POLR3C: variants seen among roughly 807,000 people sequenced by gnomAD.
POLR3C encodes the protein RNA polymerase III subunit C.
Under a neutral mutation model 65.9 loss-of-function variants are expected in POLR3C, and 44 were observed. The observed-to-expected ratio is 0.67, with a 90% confidence interval of 0.52 to 0.86. The LOEUF is 0.86. POLR3C is among the 40% of genes least tolerant of loss of function. The pLI is 0.00. For missense variants in POLR3C, 576 were observed against 653.2 expected (o/e 0.88, Z 1.29); for synonymous variants, 263 against 231.6 (o/e 1.14, Z -1.23).
At chr1:145,840,071 G>A (rs1283199359) in intron 12 of POLR3C, 45 bp from the exon 13 acceptor site, 1 of 1,556,444 alleles carries the variant, frequency 6.4e-7, no homozygotes, top group Admixed American at 1.7e-5. Flanking sequence ...CTGAGCTGCT[G>A]AAATAGAACT....
intron 7 of POLR3C, among the ~76,000 whole-genome samples, chr1:145,834,624 A>G (rs587673050): frequency 7.5e-4 from 114 of 152,012 alleles, no homozygotes; most frequent in African/African-American, 2.7e-3. Flanking sequence ...GCAGTGAGCC[A>G]AGATCATACC....
At chr1:145,828,927 C>T (rs1651058821) in intron 5 of POLR3C, 90 bp downstream of exon 5, 1 of 731,996 alleles carries the variant, frequency 1.4e-6, no homozygotes, top group Admixed American at 2.1e-5. Flanking sequence ...TTAAAGCTTC[C>T]TGAGCTAAGA....
At chr1:145,839,646 T>G (rs910197538) in intron 11 of POLR3C, 3 of 399,164 alleles carry the variant, frequency 7.5e-6, no homozygotes, top group African/African-American at 2.1e-5. Context: ...GGTGGGAGGA[T>G]TGCTTGAGCC....
At chr1:145,836,773 TG>T in intron 8 of POLR3C, 41 bp from the exon 9 acceptor site, 1 of 1,326,914 alleles carries the variant, frequency 7.5e-7, no homozygotes, top group Non-Finnish European at 1.1e-6. Flanking sequence ...ACAGAATCAC[TG>T]GACTTTCCGT....
chr1:145,840,512 C>A, intron 13 of POLR3C: 1 of 268,522 alleles, frequency 3.7e-6, no homozygotes, highest in South Asian at 5.7e-5. Context: ...TGCACTCCAG[C>A]CTGGGCGACA....
chr1:145,825,726 C>CA (rs1553725582), intron 1 of POLR3C, 31 bp from the exon 2 acceptor site: 1 of 1,494,318 alleles, frequency 6.7e-7, no homozygotes, highest in African/African-American at 1.4e-5. Context: ...GAAAGACTTT[C>CA]TATTGTACCA....
intron 5 of POLR3C, among the ~76,000 whole-genome samples, chr1:145,829,280 A>G (rs1553726573): frequency 6.6e-6 from 1 of 152,094 alleles, no homozygotes; most frequent in African/African-American, 2.4e-5. Flanking sequence ...TCCCTCATAA[A>G]CTTCCTCATC....
rs782574436 is a variant in POLR3C, at chr1:145,841,103, A to C, written c.1523+32A>C. 57 of 1,596,710 alleles carry C rather than the reference A, an allele frequency of 3.6e-5. No individual in the cohort carries two copies. The South Asian group carries it at 6.3e-4, about 18-fold the overall frequency. On this transcript the variant is annotated intron_variant, in intron 14 of 14. Coordinates refer to ENST00000334163, the MANE Select transcript of POLR3C (RefSeq NM_006468.8). ...ATCATAAACTTCAGACCTGCATTTCAGAATACCATCCAGAAAATCCATTTT... is the reference window on the plus strand; with the variant it reads ...ATCATAAACTTCAGACCTGCATTTCCGAATACCATCCAGAAAATCCATTTT...
At position 145,833,520 on chromosome 1, in the gene POLR3C, C is replaced by A. The variant is rs1023100502; in HGVS notation, c.814C>A (p.Arg272=). ...TSSEIVRTML[R]MSEITTSSSA... Reference sequence around the variant, plus strand: ...CAGCGAGATTGTGCGAACCATGCTCCGAATGAGTGAGATTACCACTTCCTC... The same window carrying A: ...CAGCGAGATTGTGCGAACCATGCTCAGAATGAGTGAGATTACCACTTCCTC... Residue 272 remains arginine, a synonymous_variant, in exon 7 of 15, where the codon CGA becomes AGA. Coordinates refer to ENST00000334163, the MANE Select transcript of POLR3C (RefSeq NM_006468.8). 1.2e-6 allele frequency: 2 copies of A among 1,613,726 alleles called. No homozygotes were observed. The highest frequency in any genetic ancestry group is 1.7e-6 in the Non-Finnish European group (2 of 1,179,610).
In POLR3C at chr1:145,836,581, C is replaced by T. The variant is rs868916341; in HGVS notation, c.957+7C>T. The T allele has an allele frequency of 6.3e-7, 1 of 1,580,446 alleles. No homozygotes were observed. Among genetic ancestry groups the T allele is most frequent in the Middle Eastern group, 1.7e-4 (1 of 6,014 alleles). ...TCTGCTGGCAGATGATCCAGTAAGTCTGTTTTTGCTTTTTTTCTTTTTTCT... is the reference window on the plus strand; with the variant it reads ...TCTGCTGGCAGATGATCCAGTAAGTTTGTTTTTGCTTTTTTTCTTTTTTCT... On this transcript the variant is annotated splice_region_variant and intron_variant, in intron 8 of 14. Coordinates refer to ENST00000334163, the MANE Select transcript of POLR3C (RefSeq NM_006468.8).
rs587633564 is a variant in POLR3C, at chr1:145,839,588, C to G, written c.1222-302C>G. On this transcript the variant is annotated intron_variant, in intron 11 of 14. Coordinates refer to ENST00000334163, the MANE Select transcript of POLR3C (RefSeq NM_006468.8). Reference sequence around the variant, plus strand: ...CACCCCCAAAAGATTAAAAAATTAGCGGAGCATGGTGGTGCATGCCTGTAG... The same window carrying G: ...CACCCCCAAAAGATTAAAAAATTAGGGGAGCATGGTGGTGCATGCCTGTAG... 47 of 241,012 alleles carry G rather than the reference C, an allele frequency of 2.0e-4. 1 individual carries two copies. The South Asian group carries it at 4.4e-3, about 22-fold the overall frequency. The allele number at this position is 241,012 out of a possible 1,614,324, so 14.9% of individuals were successfully genotyped here. A position where few individuals can be genotyped will look rare whatever the true frequency, so the allele number is the denominator to read the frequency against.
At chr1:145,830,755 C>T (rs184465342) in intron 5 of POLR3C, among the ~76,000 whole-genome samples, 19 of 150,272 alleles carry the variant, frequency 1.3e-4, no homozygotes, top group Admixed American at 6.7e-5. Context: ...GCTGAGATCA[C>T]GCCACTGCAC....
chr1:145,834,546 G>A lies in POLR3C; in HGVS notation c.876+964G>A, dbSNP rs1376149615. Among the ~76,000 whole-genome samples the A allele has an allele frequency of 2.0e-5, 3 of 151,592 alleles. No individual in the cohort carries two copies. The East Asian group carries it at 5.8e-4, about 29-fold the overall frequency. On this transcript the variant is annotated intron_variant, in intron 7 of 14. Transcript: ENST00000334163. ...AAAAATTAGCCGGGCATGGTGGCAT[G>A]CGCCTGTGGTCCCAGCTACTCGGGA...
chr1:145,841,075 A>C lies in POLR3C; in HGVS notation c.1523+4A>C. On this transcript the variant is annotated splice_donor_region_variant and intron_variant, in intron 14 of 14. Coordinates refer to ENST00000334163, the MANE Select transcript of POLR3C (RefSeq NM_006468.8). The stretch of plus-strand genomic sequence containing the variant: ...CCCTGAAACGTAATGTCAACAAGTA[A>C]GCATCATAAACTTCAGACCTGCATT... The C allele has an allele frequency of 6.2e-7, 1 of 1,612,944 alleles. No homozygotes were observed. Among genetic ancestry groups the C allele is most frequent in the Non-Finnish European group, 8.5e-7 (1 of 1,178,968 alleles).
chr1:145,840,857 G>T, intron 13 of POLR3C, 65 bp from the exon 14 acceptor site: 2 of 1,297,276 alleles, frequency 1.5e-6, no homozygotes, highest in South Asian at 1.2e-5. Context: ...TAGTGCCTCA[G>T]ACACACGTGG....
intron 7 of POLR3C, among the ~76,000 whole-genome samples, chr1:145,835,195 T>G (rs922643386): frequency 7.2e-6 from 1 of 137,938 alleles, no homozygotes; most frequent in Non-Finnish European, 1.6e-5. Flanking sequence ...ACACCCGTAA[T>G]CCCAGTACTT....
At chr1:145,828,612 C>T in intron 4 of POLR3C, 137 bp from the exon 5 acceptor site, 2 of 628,250 alleles carry the variant, frequency 3.2e-6, no homozygotes, top group East Asian at 5.3e-5. Context: ...TTTCTTATAG[C>T]TCTTCAGCCC....
chr1:145,839,915 C>A lies in POLR3C; in HGVS notation c.1247C>A (p.Ala416Asp). 6.2e-7 allele frequency: 1 copy of A among 1,604,956 alleles called. No homozygotes were observed. Among genetic ancestry groups the A allele is most frequent in the Non-Finnish European group, 8.5e-7 (1 of 1,171,670 alleles). Residue 416 changes from alanine (A) to aspartate (D), a missense_variant, in exon 12 of 15, where the codon GCC (alanine) becomes GAC (aspartate). Coordinates refer to ENST00000334163, the MANE Select transcript of POLR3C (RefSeq NM_006468.8). ...GAAATTCCCAAAACACCAGACCATG[C>A]CCCATCCAGGACCTTCTATTTATAT... is the stretch of plus-strand genomic sequence containing the variant. ...LQEIPKTPDHAPSRTFYLYTV... is the reference protein window; with the variant it reads ...LQEIPKTPDHDPSRTFYLYTV...
rs1261578308 is a variant in POLR3C at position 145,838,680 on chromosome 1, C to CT, written c.1221+475dup. On this transcript the variant is annotated intron_variant, in intron 11 of 14. Coordinates refer to ENST00000334163, the MANE Select transcript of POLR3C (RefSeq NM_006468.8). The stretch of plus-strand genomic sequence containing the variant: ...CTAGCCTGAGCAACAGAGTGAGACT[C>CT]TGTCTCAAAAAACAAAAAAAACAAA... Among the ~76,000 whole-genome samples, 4 of 152,040 alleles carry CT rather than the reference C, an allele frequency of 2.6e-5. No individual in the cohort carries two copies. In the East Asian group the frequency reaches 7.7e-4, roughly 29 times the overall value.
Sources: allele counts gnomAD v4.1 joint callset (sites outside exome capture counted in the v4.1 genomes callset), GRCh38; gene constraint gnomAD v4.1.1; transcripts MANE v1.5; gene names NCBI Gene and HGNC (gene_info 2026-07-23, HGNC 2026-07-21).